Variants in NDRG1 observed in about 807,000 individuals in gnomAD.
NDRG1 encodes the protein N-myc downstream regulated 1, also known as protein NDRG1.
Under a neutral mutation model 56.9 loss-of-function variants are expected in NDRG1, and 32 were observed. That is an observed-to-expected ratio of 0.56 (90% confidence interval 0.42 to 0.76). The LOEUF is 0.76. NDRG1 is among the 30% of genes least tolerant of loss of function. NDRG1 has a pLI of 0.00. For missense variants in NDRG1, 507 were observed against 545.7 expected (o/e 0.93, Z 0.71); for synonymous variants, 211 against 204.1 (o/e 1.03, Z -0.29).
intron 1 of NDRG1, among the ~76,000 whole-genome samples, chr8:133,293,490 A>G (rs1401605236): frequency 6.6e-6 from 1 of 152,142 alleles, no homozygotes. Context: ...CTGAGCCTCA[A>G]TTTTCTGACC....
At chr8:133,295,116 C>G (rs1240647136) in intron 1 of NDRG1, among the ~76,000 whole-genome samples, 2 of 152,206 alleles carry the variant, frequency 1.3e-5, no homozygotes, top group African/African-American at 4.8e-5. Context: ...GAGACCCAAA[C>G]AGACACTCCA....
At chr8:133,244,561 G>A in intron 13 of NDRG1, 171 bp from the exon 14 acceptor site, 1 of 736,818 alleles carries the variant, frequency 1.4e-6, no homozygotes, top group South Asian at 1.5e-5. Context: ...AGCCCCACCA[G>A]GCAAGGCTGC....
intron 5 of NDRG1, 100 bp downstream of exon 5, chr8:133,261,947 T>C: frequency 6.9e-7 from 1 of 1,449,338 alleles, no homozygotes; most frequent in Non-Finnish European, 9.2e-7. Context: ...GTTTTATATT[T>C]TACCACAGTT....
intron 4 of NDRG1, 147 bp downstream of exon 4, chr8:133,264,400 G>A: frequency 4.0e-6 from 3 of 752,006 alleles, no homozygotes; most frequent in South Asian, 3.0e-5. Context: ...TTTCCAGGCT[G>A]TGGCAAGAGT....
chr8:133,249,557 C>A (rs998181740), intron 10 of NDRG1: 3 of 154,004 alleles, frequency 1.9e-5, no homozygotes, highest in Non-Finnish European at 4.3e-5. Flanking sequence ...GCTATCTACA[C>A]GGGCAAGTTA....
intron 14 of NDRG1, among the ~76,000 whole-genome samples, chr8:133,242,995 T>C (rs1855469288): frequency 6.6e-6 from 1 of 152,218 alleles, no homozygotes; most frequent in Admixed American, 6.5e-5. Flanking sequence ...GTTCATTTAA[T>C]GTAAACTTGG....
intron 1 of NDRG1, among the ~76,000 whole-genome samples, chr8:133,295,020 G>C (rs936117074): frequency 2.6e-5 from 4 of 152,320 alleles, no homozygotes; most frequent in African/African-American, 4.8e-5. Context: ...AAAATGGAAA[G>C]AAGTTGGACT....
chr8:133,258,845 G>A (rs1053416440), intron 6 of NDRG1, among the ~76,000 whole-genome samples: 5 of 152,186 alleles, frequency 3.3e-5, no homozygotes, highest in African/African-American at 9.7e-5. Context: ...GAAAAGCTAA[G>A]GACTCAGGCA....
chr8:133,237,618 GGGAA>G lies in NDRG1; in HGVS notation c.*1256_*1259del, dbSNP rs1855126652. 8.6e-6 allele frequency: 2 copies of G among 233,082 alleles called. No homozygotes were observed. The highest frequency in any genetic ancestry group is 1.7e-5 in the Non-Finnish European group (2 of 118,032). The allele number at this position is 233,082 out of a possible 1,614,324, so 14.4% of individuals were successfully genotyped here. A position where few individuals can be genotyped will look rare whatever the true frequency, so the allele number is the denominator to read the frequency against. ...GAGCAGGAAAAGAGGAAGCAGGAGA[GGGAA>G]GGAAAGTCCCATGGAATATGTATTC... On this transcript the variant is annotated 3_prime_UTR_variant, in exon 16 of 16. Coordinates refer to ENST00000323851, the MANE Select transcript of NDRG1 (RefSeq NM_006096.4).
At chr8:133,289,428 G>T (rs765556498) in intron 1 of NDRG1, among the ~76,000 whole-genome samples, 1 of 152,126 alleles carries the variant, frequency 6.6e-6, no homozygotes, top group African/African-American at 2.4e-5. Context: ...GAGTCCCAGC[G>T]AGGAGAGGGA....
intron 4 of NDRG1, 107 bp downstream of exon 4, chr8:133,264,440 G>C: frequency 9.9e-7 from 1 of 1,011,604 alleles, no homozygotes; most frequent in Non-Finnish European, 1.5e-6. Context: ...GGAAGTCCCA[G>C]GCAAAAAGAA....
chr8:133,296,694 GACACACACACACAC>G (rs36215434), intron 1 of NDRG1: 602 of 270,596 alleles, frequency 2.2e-3, no homozygotes, highest in Admixed American at 3.5e-3. Flanking sequence ...CCCAGACACA[GACACACACACACAC>G]ACACACACAC....
At chr8:133,262,308 T>G in intron 4 of NDRG1, 141 bp from the exon 5 acceptor site, 1 of 1,121,616 alleles carries the variant, frequency 8.9e-7, no homozygotes, top group South Asian at 1.5e-5. Flanking sequence ...GATGTTGGCG[T>G]TTTTTGTTTT....
intron 1 of NDRG1, among the ~76,000 whole-genome samples, chr8:133,295,469 C>G (rs967334205): frequency 6.6e-6 from 1 of 152,254 alleles, no homozygotes; most frequent in African/African-American, 2.4e-5. Flanking sequence ...CCACCCCAGC[C>G]TGGGGCTGGC....
Position 133,296,685 on chromosome 8 carries a change from CCAGA to C in NDRG1, c.-19+445_-19+448del, listed in dbSNP as rs1490427780. On this transcript the variant is annotated intron_variant, in intron 1 of 15. Transcript: ENST00000323851. ...ACACTCGCGCGCAATCTCTCCGTTC[CCAGA>C]CACAGACACACACACACACACACAC... 94 of 374,286 alleles carry C rather than the reference CCAGA, an allele frequency of 2.5e-4. 1 individual carries two copies. Among genetic ancestry groups the C allele is most frequent in the Non-Finnish European group, 1.9e-4 (36 of 191,424 alleles). The allele number at this position is 374,286 out of a possible 1,614,324, so 23.2% of individuals were successfully genotyped here.
chr8:133,290,480 G>A (rs1858370630), intron 1 of NDRG1, among the ~76,000 whole-genome samples: 1 of 152,198 alleles, frequency 6.6e-6, no homozygotes, highest in Non-Finnish European at 1.5e-5. Flanking sequence ...TAAGATGTGT[G>A]CCCCAAGTCA....
At chr8:133,296,688 GACACAGACACACACAC>G (rs1400243835) in intron 1 of NDRG1, 1 of 312,328 alleles carries the variant, frequency 3.2e-6, no homozygotes, top group African/African-American at 3.1e-5. Context: ...TCCGTTCCCA[GACACAGACACACACAC>G]ACACACACAC....
At chr8:133,283,587 A>C (rs1275826954) in intron 2 of NDRG1, among the ~76,000 whole-genome samples, 1 of 152,238 alleles carries the variant, frequency 6.6e-6, no homozygotes, top group Non-Finnish European at 1.5e-5. Flanking sequence ...GCAAGTGAAA[A>C]AGTGACTATG....
rs567465345 is a variant in NDRG1 at position 133,278,665 on chromosome 8, T to C, written c.99+1567A>G. Among the ~76,000 whole-genome samples, 3 of 152,252 alleles carry C rather than the reference T, an allele frequency of 2.0e-5. No individual in the cohort carries two copies. In the East Asian group the frequency reaches 5.8e-4, roughly 29 times the overall value. ...AAAATAAAGCTAATGGTGCCTCTCCTGTTATCATGAGATATTGAGGCATTA... is the reference window on the plus strand; with the variant it reads ...AAAATAAAGCTAATGGTGCCTCTCCCGTTATCATGAGATATTGAGGCATTA... On this transcript the variant is annotated intron_variant, in intron 3 of 15. Coordinates refer to ENST00000323851, the MANE Select transcript of NDRG1 (RefSeq NM_006096.4).
Sources: gnomAD v4.1 joint callset for allele counts (sites outside exome capture counted in the v4.1 genomes callset) on GRCh38, gnomAD v4.1.1 for gene constraint, MANE v1.5 for transcripts, NCBI Gene and HGNC (gene_info 2026-07-23, HGNC 2026-07-21) for gene names.